Variants in PPEF2 observed in about 807,000 individuals in gnomAD.
PPEF2 encodes the protein serine/threonine-protein phosphatase with EF-hands 2.
PPEF2 carries 84 observed loss-of-function variants against 84.7 expected under a neutral mutation model. The ratio of observed to expected loss-of-function variants is 0.99; its 90% confidence interval spans 0.83 to 1.19. The LOEUF is 1.19. PPEF2 is among the 50% of genes most tolerant of loss of function. The pLI is 0.00. For missense variants in PPEF2, 924 were observed against 937.5 expected (o/e 0.99, Z 0.19); for synonymous variants, 346 against 345.2 (o/e 1.00, Z -0.03).
chr4:75,866,616 G>T (rs1278346546), intron 14 of PPEF2: 1 of 441,460 alleles, frequency 2.3e-6, no homozygotes, highest in Non-Finnish European at 4.1e-6. Flanking sequence ...ATTATTTGTT[G>T]TCTGTTTGTC....
chr4:75,901,161 T>C (rs1400694808), intron 1 of PPEF2, among the ~76,000 whole-genome samples: 1 of 152,202 alleles, frequency 6.6e-6, no homozygotes, highest in African/African-American at 2.4e-5. Flanking sequence ...GTATCCCATA[T>C]GGCTGCTTAA....
intron 4 of PPEF2, among the ~76,000 whole-genome samples, chr4:75,890,630 G>A (rs1724855348): frequency 6.6e-6 from 1 of 152,084 alleles, no homozygotes; most frequent in Non-Finnish European, 1.5e-5. Flanking sequence ...AAAAAGTCAT[G>A]CTTTCTACTT....
In PPEF2 at chr4:75,887,099, C is replaced by T. The variant is rs538443381; in HGVS notation, c.533-201G>A. On this transcript the variant is annotated intron_variant, in intron 6 of 16. Transcript: ENST00000286719. ...GCAGAAGGCATAATATTTTTTCTGC[C>T]GGATTATTATAAATAGTAAATGAGC... Among the ~76,000 whole-genome samples the T allele has an allele frequency of 1.2e-4, 18 of 152,102 alleles. No homozygotes were observed. In the South Asian group the frequency reaches 2.9e-3, roughly 25 times the overall value.
intron 8 of PPEF2, 87 bp from the exon 9 acceptor site, chr4:75,883,289 TG>T: frequency 8.1e-7 from 1 of 1,227,034 alleles, no homozygotes; most frequent in South Asian, 1.2e-5. Flanking sequence ...ATGCATATTC[TG>T]GGTATATGTA....
intron 1 of PPEF2, among the ~76,000 whole-genome samples, chr4:75,900,508 T>G (rs1725096025): frequency 6.6e-6 from 1 of 152,222 alleles, no homozygotes; most frequent in East Asian, 1.9e-4. Flanking sequence ...AAGGGGTACC[T>G]AGCTACCATT....
At position 75,860,619 on chromosome 4, in the gene PPEF2, C is replaced by T; in HGVS notation, c.*48G>A. 6.2e-7 allele frequency: 1 copy of T among 1,603,158 alleles called. No individual in the cohort carries two copies. Among genetic ancestry groups the T allele is most frequent in the South Asian group, 1.1e-5 (1 of 90,296 alleles). The stretch of plus-strand genomic sequence containing the variant: ...ATAAGGGAGATAGTCTAGTGAGAAG[C>T]TGAGCATTGCCTATGAGGCACTTTG... On this transcript the variant is annotated 3_prime_UTR_variant, in exon 17 of 17. Coordinates refer to ENST00000286719, the MANE Select transcript of PPEF2 (RefSeq NM_006239.3).
intron 16 of PPEF2, among the ~76,000 whole-genome samples, chr4:75,863,479 G>A (rs572799796): frequency 5.1e-4 from 73 of 144,326 alleles, no homozygotes; most frequent in African/African-American, 1.5e-3. Flanking sequence ...CAGCTTGGGT[G>A]ACAGAGGGAG....
At chr4:75,890,749 T>C (rs1202391776) in intron 4 of PPEF2, among the ~76,000 whole-genome samples, 2 of 152,138 alleles carry the variant, frequency 1.3e-5, no homozygotes, top group African/African-American at 4.8e-5. Context: ...ATCACAGGTA[T>C]TTATGTTGCA....
intron 6 of PPEF2, among the ~76,000 whole-genome samples, chr4:75,887,959 A>T (rs1724772875): frequency 6.6e-6 from 1 of 152,194 alleles, no homozygotes; most frequent in African/African-American, 2.4e-5. Flanking sequence ...AATGAAGAAC[A>T]TGAGTTTGAG....
chr4:75,892,064 C>T, intron 2 of PPEF2, 86 bp from the exon 3 acceptor site: 1 of 1,542,194 alleles, frequency 6.5e-7, no homozygotes, highest in African/African-American at 1.4e-5. Context: ...CTGCTCAGCC[C>T]TCTCCCACTG....
chr4:75,861,651 C>T (rs1317560574), intron 16 of PPEF2, among the ~76,000 whole-genome samples: 3 of 99,258 alleles, frequency 3.0e-5, no homozygotes, highest in African/African-American at 9.0e-5. Flanking sequence ...GCTCTGTCAC[C>T]CAGGCTGGAG....
chr4:75,884,582 T>C lies in PPEF2; in HGVS notation c.746+12A>G, dbSNP rs979078918. On this transcript the variant is annotated intron_variant, in intron 8 of 16. Transcript: ENST00000286719. ...ACAAACATCAAATACTCAAGCATGT[T>C]TTGACTTGTACCGTAAGTTCACCAT... 1.3e-6 allele frequency: 2 copies of C among 1,571,164 alleles called. No individual in the cohort carries two copies. The highest frequency in any genetic ancestry group is 2.7e-5 in the African/African-American group (2 of 72,896).
At chr4:75,883,440 T>G in intron 8 of PPEF2, 1 of 544,518 alleles carries the variant, frequency 1.8e-6, no homozygotes, top group South Asian at 2.5e-5. Flanking sequence ...CTATCATGAA[T>G]CTCTATTATT....
intron 10 of PPEF2, among the ~76,000 whole-genome samples, chr4:75,878,791 A>AT (rs1478616862): frequency 6.6e-6 from 1 of 152,076 alleles, no homozygotes; most frequent in African/African-American, 2.4e-5. Context: ...TTATTATTAT[A>AT]TTTTTTTAGA....
At chr4:75,891,188 AAAAAG>A (rs535616291) in intron 4 of PPEF2, among the ~76,000 whole-genome samples, 2,909 of 151,414 alleles carry the variant, frequency 0.019, 82 homozygotes, top group African/African-American at 0.062. Context: ...CTCAAAAAAA[AAAAAG>A]AAAAGAAAAG....
intron 12 of PPEF2, among the ~76,000 whole-genome samples, chr4:75,872,791 T>G (rs180866638): frequency 4.5e-4 from 69 of 152,324 alleles, no homozygotes; most frequent in African/African-American, 1.7e-3. Flanking sequence ...ATTGTGCTCC[T>G]GAGAAGACAA....
In PPEF2 at chr4:75,864,442, G is replaced by C; in HGVS notation, c.2006C>G (p.Ser669Ter). 1 of 1,596,642 alleles carries C rather than the reference G, an allele frequency of 6.3e-7. No individual in the cohort carries two copies. Residue 669 changes from serine to a stop codon, truncating the protein, a stop_gained and splice_region_variant, in exon 16 of 17, where the codon TCA becomes TGA. Transcript: ENST00000286719. LOFTEE classifies it low-confidence loss of function (END_TRUNC). ...GATAGAATAATGAGTGCCTTTACCT[G>C]AATGATCACTGTCTATGATCCTAAA... ...TIFRIIDSDH[S>*]GFISLDEFRQ...
intron 7 of PPEF2, among the ~76,000 whole-genome samples, chr4:75,886,647 G>C (rs1244114139): frequency 1.3e-5 from 2 of 152,138 alleles, no homozygotes; most frequent in African/African-American, 4.8e-5. Context: ...TTGAACCTGG[G>C]AGGCAGAGGT....
intron 11 of PPEF2, among the ~76,000 whole-genome samples, chr4:75,873,794 A>AT (rs781257047): frequency 0.019 from 2,833 of 145,538 alleles, 57 homozygotes; most frequent in African/African-American, 0.049. Flanking sequence ...TAGTTTAAGA[A>AT]TTTTTTTTTT....
Sources: gnomAD v4.1 joint callset for allele counts (sites outside exome capture counted in the v4.1 genomes callset) on GRCh38, gnomAD v4.1.1 for gene constraint, MANE v1.5 for transcripts, NCBI Gene and HGNC (gene_info 2026-07-23, HGNC 2026-07-21) for gene names.